GPR155: variants seen among roughly 807,000 people sequenced by gnomAD.
GPR155 encodes the protein lysosomal cholesterol signaling protein.
A neutral mutation model predicts 93.1 loss-of-function variants in GPR155; 65 were observed. The observed-to-expected ratio is 0.70, with a 90% CI of 0.57 to 0.86. The LOEUF (loss-of-function observed/expected upper bound fraction) is 0.86. Among genes scored for constraint, GPR155 ranks in the 40% least tolerant of loss-of-function variants. GPR155 has a pLI of 0.00. For synonymous variants in GPR155, 319 were observed against 360.1 expected (o/e 0.89, Z 1.29); for missense variants, 838 against 1,034.8 (o/e 0.81, Z 2.61).
At chr2:174,478,088 C>G (rs1281017118) in intron 2 of GPR155, among the ~76,000 whole-genome samples, 1 of 152,158 alleles carries the variant, frequency 6.6e-6, no homozygotes, top group Non-Finnish European at 1.5e-5. Context: ...TAACTATGCT[C>G]TATTAGTATC....
intron 9 of GPR155, 66 bp from the exon 10 acceptor site, chr2:174,460,154 ATTTTTTTTTTT>A (rs11385015): frequency 1.7e-5 from 7 of 400,022 alleles, no homozygotes; most frequent in Non-Finnish European, 2.8e-5. Flanking sequence ...CTTAGGGCAC[ATTTTTTTTTTT>A]TTTTTTTTTT....
At chr2:174,481,315 G>C (rs1208590317) in intron 2 of GPR155, among the ~76,000 whole-genome samples, 182 bp downstream of exon 2, 2 of 152,024 alleles carry the variant, frequency 1.3e-5, no homozygotes, top group Admixed American at 1.3e-4. Context: ...GTTTATTTTA[G>C]GTAGATGTTT....
In GPR155 at chr2:174,473,016, CTCTT is replaced by C; in HGVS notation, c.805_808del (p.Lys269AspfsTer2). On this transcript the variant is annotated frameshift_variant, in exon 3 of 16. Transcript: ENST00000392552. LOFTEE classifies it high-confidence loss of function. ...TACTACAAATGCCGACTTCTTCAGT[CTCTT>C]TATTTTTCCCACCATCGTGAGACCA... 1 of 1,594,976 alleles carries C rather than the reference CTCTT, an allele frequency of 6.3e-7. No individual in the cohort carries two copies. The highest frequency in any genetic ancestry group is 8.5e-7 in the Non-Finnish European group (1 of 1,175,612).
At chr2:174,461,746 T>A in intron 7 of GPR155, 74 bp from the exon 8 acceptor site, 2 of 923,364 alleles carry the variant, frequency 2.2e-6, no homozygotes. Context: ...ATTTCCTTTT[T>A]ATTTTTTTAA....
chr2:174,461,522 A>G, intron 8 of GPR155, 30 bp from the exon 9 acceptor site: 1 of 1,586,736 alleles, frequency 6.3e-7, no homozygotes. Context: ...TGGGAGAGAA[A>G]AAGAAAGGAT....
intron 10 of GPR155, 136 bp from the exon 11 acceptor site, chr2:174,453,977 A>G: frequency 1.6e-6 from 1 of 642,022 alleles, no homozygotes; most frequent in Admixed American, 2.5e-5. Context: ...TTCACATGGT[A>G]TCTATCCAAA....
chr2:174,440,449 T>C (rs946331965), intron 14 of GPR155, among the ~76,000 whole-genome samples: 2 of 152,168 alleles, frequency 1.3e-5, no homozygotes, highest in African/African-American at 4.8e-5. Context: ...CAAAAACTCG[T>C]ACTCCAAAAA....
Position 174,485,067 on chromosome 2 carries a change from A to T in GPR155, c.-32+1806T>A, listed in dbSNP as rs530659056. Reference sequence around the variant, plus strand: ...AAAAGTAAACATGTTAGTTCTTCAAACATAACTGGTAAAAGATCCACCAAC... The same window carrying T: ...AAAAGTAAACATGTTAGTTCTTCAATCATAACTGGTAAAAGATCCACCAAC... On this transcript the variant is annotated intron_variant, in intron 1 of 15. Coordinates refer to ENST00000392552, the MANE Select transcript of GPR155 (RefSeq NM_152529.7). Among the ~76,000 whole-genome samples, 9 of 152,360 alleles carry T rather than the reference A, an allele frequency of 5.9e-5. No individual in the cohort carries two copies. The South Asian group carries it at 1.7e-3, about 28-fold the overall frequency.
Position 174,470,381 on chromosome 2 carries a change from T to C in GPR155, c.1026+9A>G, listed in dbSNP as rs748321169. On this transcript the variant is annotated intron_variant, in intron 4 of 15. Coordinates refer to ENST00000392552, the MANE Select transcript of GPR155 (RefSeq NM_152529.7). Reference sequence around the variant, plus strand: ...ACACCATCAAACTTAGAAAGTACTATATACATACAATTTCTACTTCCATGT... The same window carrying C: ...ACACCATCAAACTTAGAAAGTACTACATACATACAATTTCTACTTCCATGT... The C allele has an allele frequency of 8.1e-6, 13 of 1,606,640 alleles. No individual in the cohort carries two copies. The highest frequency in any genetic ancestry group is 1.1e-5 in the Non-Finnish European group (13 of 1,174,210).
chr2:174,466,047 T>A, intron 6 of GPR155, 145 bp from the exon 7 acceptor site: 1 of 565,314 alleles, frequency 1.8e-6, no homozygotes, highest in East Asian at 2.9e-5. Flanking sequence ...TTTTTGTGAA[T>A]AATTATCAAG....
rs1688058888 is a variant in GPR155 at position 174,473,477 on chromosome 2, T to C, written c.461-113A>G. On this transcript the variant is annotated intron_variant, in intron 2 of 15. Transcript: ENST00000392552. The stretch of plus-strand genomic sequence containing the variant: ...AATGATAAATCTAAAATTTTCAAAA[T>C]GACCCAAATAGCCTATTTTGGAAAA... 3 of 708,928 alleles carry C rather than the reference T, an allele frequency of 4.2e-6. 1 individual carries two copies. In the South Asian group the frequency reaches 6.9e-5, roughly 16 times the overall value. The allele number at this position is 708,928 out of a possible 1,614,324, so 43.9% of individuals were successfully genotyped here.
At chr2:174,464,237 C>G (rs1053662508) in intron 7 of GPR155, among the ~76,000 whole-genome samples, 1 of 151,896 alleles carries the variant, frequency 6.6e-6, no homozygotes, top group African/African-American at 2.4e-5. Flanking sequence ...TTATAGGTGT[C>G]ACAAAGGTGA....
intron 12 of GPR155, chr2:174,445,442 A>G (rs1687092764): frequency 3.8e-6 from 1 of 263,156 alleles, no homozygotes; most frequent in Non-Finnish European, 7.1e-6. Flanking sequence ...TACATAATGT[A>G]TCAAGATTGC....
intron 1 of GPR155, 54 bp from the exon 2 acceptor site, chr2:174,482,041 AAATAATACAC>A: frequency 1.1e-6 from 1 of 883,152 alleles, no homozygotes; most frequent in Non-Finnish European, 1.8e-6. Flanking sequence ...ATTCTAGTTG[AAATAATACAC>A]TGGCAAACCT....
At position 174,442,155 on chromosome 2, in the gene GPR155, A is replaced by G; in HGVS notation, c.2138T>C (p.Leu713Ser). 1 of 1,399,174 alleles carries G rather than the reference A, an allele frequency of 7.1e-7. No individual in the cohort carries two copies. The highest frequency in any genetic ancestry group is 1.0e-6 in the Non-Finnish European group (1 of 985,760). 86.7% of individuals were successfully genotyped at this position (1,399,174 alleles called of 1,614,324 possible). The change falls in exon 14 of 16, where the codon TTA (leucine) becomes TCA (serine). Residue 713 changes from leucine to serine, a missense_variant. Transcript: ENST00000392552. ...AGGCAGGATGATTAAATGTTTATCT[A>G]ATCCAAAGATTCCAAAGGAAATAAA... is the stretch of plus-strand genomic sequence containing the variant. ...QGFISFGIFG[L>S]DKHLIILPFK...
At chr2:174,485,902 A>C (rs1688464320) in intron 1 of GPR155, among the ~76,000 whole-genome samples, 1 of 152,256 alleles carries the variant, frequency 6.6e-6, no homozygotes, top group Admixed American at 6.5e-5. Flanking sequence ...TCGCTGAGGC[A>C]CGAACTGAAG....
Position 174,483,841 on chromosome 2 carries a change from T to C in GPR155, c.-31-1854A>G, listed in dbSNP as rs569790862. Among the ~76,000 whole-genome samples, 8 of 152,262 alleles carry C rather than the reference T, an allele frequency of 5.3e-5. No homozygotes were observed. The East Asian group carries it at 1.5e-3, about 29-fold the overall frequency. Reference sequence around the variant, plus strand: ...CTCAGGTGATCTGCCCGCCTCGGCCTCCCAAAATGCTGGGATTATAGGTGT... The same window carrying C: ...CTCAGGTGATCTGCCCGCCTCGGCCCCCCAAAATGCTGGGATTATAGGTGT... On this transcript the variant is annotated intron_variant, in intron 1 of 15. Transcript: ENST00000392552.
chr2:174,434,867 G>A lies in GPR155; in HGVS notation c.*1249C>T, dbSNP rs1036591382. 6.7e-6 allele frequency: 1 copy of A among 149,756 alleles called. No individual in the cohort carries two copies. The highest frequency in any genetic ancestry group is 1.5e-5 in the Non-Finnish European group (1 of 67,656). The allele number at this position is 149,756 out of a possible 1,614,324, so 9.3% of individuals were successfully genotyped here. A position where few individuals can be genotyped will look rare whatever the true frequency, so the allele number is the denominator to read the frequency against. On this transcript the variant is annotated 3_prime_UTR_variant, in exon 16 of 16. Coordinates refer to ENST00000392552, the MANE Select transcript of GPR155 (RefSeq NM_152529.7). ...TGGTCTTGAACTCCTGACCTCAAGC[G>A]ATCTGCCCGCCTCAGCCTCCCAAAG...
chr2:174,466,730 G>T, intron 5 of GPR155, 103 bp from the exon 6 acceptor site: 1 of 628,928 alleles, frequency 1.6e-6, no homozygotes, highest in Non-Finnish European at 2.8e-6. Context: ...TCTTTGTCCT[G>T]GTTCGGAAAG....
Sources: allele counts gnomAD v4.1 joint callset (sites outside exome capture counted in the v4.1 genomes callset), GRCh38; gene constraint gnomAD v4.1.1; transcripts MANE v1.5; gene names NCBI Gene and HGNC (gene_info 2026-07-23, HGNC 2026-07-21).